Variants in ADGRG2 observed in about 807,000 individuals in gnomAD.
ADGRG2 encodes adhesion G protein-coupled receptor G2, also known as G protein-coupled receptor 64.
Under a neutral mutation model 74.1 loss-of-function variants are expected in ADGRG2, and 26 were observed. The ratio of observed to expected loss-of-function variants is 0.35; its 90% CI spans 0.26 to 0.49. ADGRG2 has a LOEUF of 0.49. Among genes scored for constraint, ADGRG2 ranks in the 20% least tolerant of loss-of-function variants. The pLI, the probability that ADGRG2 is intolerant of heterozygous loss-of-function variation, is 0.99. For missense variants in ADGRG2, 619 were observed against 763.1 expected, an observed-to-expected ratio of 0.81 and a Z score of 2.22; for synonymous variants, 296 against 295.2, an observed-to-expected ratio of 1.00 and a Z score of -0.03.
chrX:18,996,042 A>C lies in ADGRG2; in HGVS notation c.2716+9T>G, dbSNP rs2060012724. On this transcript the variant is annotated intron_variant, in intron 27 of 28. Transcript: ENST00000379869. The stretch of plus-strand genomic sequence containing the variant: ...TAAGAGGAAGAGAAAAAGTGAGGTA[A>C]ATCTTTACCAGAATTTTCAGCCAGC... 1 of 971,149 alleles carries C rather than the reference A, an allele frequency of 1.0e-6. No individual in the cohort carries two copies. Among genetic ancestry groups the C allele is most frequent in the Non-Finnish European group, 1.5e-6 (1 of 678,327 alleles). The allele number at this position is 971,149 out of a possible 1,213,427, so 80.0% of individuals were successfully genotyped here.
rs760536876 is a variant in ADGRG2, at chrX:19,006,272, T to C, written c.1690-7A>G. 8.9e-7 allele frequency: 1 copy of C among 1,118,846 alleles called. No homozygotes were observed. The highest frequency in any genetic ancestry group is 1.2e-6 in the Non-Finnish European group (1 of 819,090). The allele number at this position is 1,118,846 out of a possible 1,213,427, so 92.2% of individuals were successfully genotyped here. ...ATCTCACTGTTAACTCATCCTGTGGTAGAAAGATAAATCACACATAATTAA... is the reference window on the plus strand; with the variant it reads ...ATCTCACTGTTAACTCATCCTGTGGCAGAAAGATAAATCACACATAATTAA... On this transcript the variant is annotated splice_region_variant and splice_polypyrimidine_tract_variant and intron_variant, in intron 20 of 28. Transcript: ENST00000379869.
At position 19,002,852 on chromosome X, in the gene ADGRG2, C is replaced by T. The variant is rs1356087672; in HGVS notation, c.2224G>A (p.Gly742Ser). The T allele has an allele frequency of 2.2e-5, 27 of 1,207,373 alleles. No individual in the cohort carries two copies. In the Admixed American group the frequency reaches 5.3e-4, roughly 24 times the overall value. ...RKYILKFCIV[G>S]WGVPAVVVTI... ...CAGGCAAGCTTATACATACCCCAAC[C>T]GACAATGCAGAATTTAAGGATGTAT... The change falls in exon 24 of 29, where the codon GGT (glycine) becomes AGT (serine). Residue 742 changes from glycine to serine, a missense_variant. By Grantham distance (56) the Gly-to-Ser change is moderately conservative. Transcript: ENST00000379869.
intron 20 of ADGRG2, among the ~76,000 whole-genome samples, chrX:19,006,890 G>A (rs981206968): frequency 9.3e-6 from 1 of 107,365 alleles, no homozygotes; most frequent in African/African-American, 3.4e-5. Flanking sequence ...CCAAGTAGCT[G>A]GAATTACAGG....
Position 19,003,051 on chromosome X carries a change from CAGCAGAAGCAG to C in ADGRG2, c.2014_2024del (p.Leu672GlufsTer14). The C allele has an allele frequency of 8.3e-7, 1 of 1,198,895 alleles. No individual in the cohort carries two copies. Among genetic ancestry groups the C allele is most frequent in the Non-Finnish European group, 1.1e-6 (1 of 883,820 alleles). On this transcript the variant is annotated frameshift_variant, in exon 24 of 29. Coordinates refer to ENST00000379869, the MANE Select transcript of ADGRG2 (RefSeq NM_001079858.3). LOFTEE classifies it high-confidence loss of function. ...ACGAGTCCAGGAGGAAGACCAGGTT[CAGCAGAAGCAG>C]AGCAGCACACAGCTGGATGAGGATT...
At chrX:19,057,836 C>T (rs2061429417) in intron 3 of ADGRG2, among the ~76,000 whole-genome samples, 1 of 111,110 alleles carries the variant, frequency 9.0e-6, no homozygotes, top group East Asian at 2.8e-4. Context: ...AAGACCCTGT[C>T]TCTAAAAAAT....
intron 2 of ADGRG2, among the ~76,000 whole-genome samples, chrX:19,078,650 G>A (rs1249991091): frequency 9.0e-6 from 1 of 110,611 alleles, no homozygotes; most frequent in African/African-American, 3.3e-5. Context: ...GCTAAAGATA[G>A]AGTGAAAATT....
At chrX:19,038,996 A>T (rs959817972) in intron 4 of ADGRG2, among the ~76,000 whole-genome samples, 2 of 111,592 alleles carry the variant, frequency 1.8e-5, no homozygotes, top group Non-Finnish European at 3.8e-5. Context: ...ATTACTCAAA[A>T]ACTCGTAAAA....
intron 1 of ADGRG2, among the ~76,000 whole-genome samples, chrX:19,099,313 G>A (rs771535811): frequency 1.8e-5 from 2 of 112,536 alleles, no homozygotes; most frequent in Non-Finnish European, 3.8e-5. Context: ...TGCTTTATTT[G>A]TATTAACTCA....
intron 1 of ADGRG2, among the ~76,000 whole-genome samples, chrX:19,119,917 T>C (rs966983059): frequency 8.9e-6 from 1 of 112,233 alleles, no homozygotes; most frequent in Non-Finnish European, 1.9e-5. Flanking sequence ...ATCATATCCA[T>C]AGTTAGAGTA....
rs200494919 is a variant in ADGRG2 at position 19,105,735 on chromosome X, A to ATTT, written c.-47+16706_-47+16707insAAA. On this transcript the variant is annotated intron_variant, in intron 1 of 28. Coordinates refer to ENST00000379869, the MANE Select transcript of ADGRG2 (RefSeq NM_001079858.3). ...CCAGAACTTAAAGTATAATAAAAAA[A>ATTT]ATTTTTTTAAATACAAAAATTAGCT... Among the ~76,000 whole-genome samples the ATTT allele has an allele frequency of 5.6e-3, 622 of 110,144 alleles. 6 individuals are homozygous for ATTT. Among genetic ancestry groups the ATTT allele is most frequent in the African/African-American group, 0.02 (602 of 30,151 alleles).
At chrX:19,079,753 GC>G (rs752867319) in intron 2 of ADGRG2, among the ~76,000 whole-genome samples, 67 of 112,059 alleles carry the variant, frequency 6.0e-4, no homozygotes, top group African/African-American at 2.1e-3. Context: ...TTCTTAATAA[GC>G]GGTAAGTGCT....
At chrX:19,007,458 A>G in intron 19 of ADGRG2, 101 bp from the exon 20 acceptor site, 1 of 793,666 alleles carries the variant, frequency 1.3e-6, no homozygotes, top group Non-Finnish European at 1.8e-6. Context: ...ATCTTACAAT[A>G]TAGGTCAGAA....
intron 2 of ADGRG2, among the ~76,000 whole-genome samples, chrX:19,069,225 G>T (rs1396533427): frequency 9.0e-6 from 1 of 111,511 alleles, no homozygotes; most frequent in Non-Finnish European, 1.9e-5. Context: ...AAGAGATAGG[G>T]TCTCGCTATG....
chrX:19,080,799 G>A (rs367730948), intron 2 of ADGRG2, among the ~76,000 whole-genome samples: 2 of 110,070 alleles, frequency 1.8e-5, no homozygotes, highest in Non-Finnish European at 3.8e-5. Flanking sequence ...AGGCTCAAGC[G>A]ATCCTCCTGC....
At chrX:19,083,801 C>T (rs776216141) in intron 1 of ADGRG2, among the ~76,000 whole-genome samples, 4 of 111,624 alleles carry the variant, frequency 3.6e-5, no homozygotes, top group Non-Finnish European at 7.5e-5. Flanking sequence ...AGTCACTTCA[C>T]GTAATGGCAT....
rs771610945 is a variant in ADGRG2 at position 19,012,137 on chromosome X, G to T, written c.1100-1359C>A. On this transcript the variant is annotated intron_variant, in intron 16 of 28. Transcript: ENST00000379869. ...TGTTTCTGTTCTAATGACTTACATGGTCGCATAATAGTCATTGTGTTACAG... is the reference window on the plus strand; with the variant it reads ...TGTTTCTGTTCTAATGACTTACATGTTCGCATAATAGTCATTGTGTTACAG... Among the ~76,000 whole-genome samples the T allele has an allele frequency of 3.6e-5, 4 of 112,293 alleles. No homozygotes were observed. The East Asian group carries it at 1.1e-3, about 31-fold the overall frequency.
intron 17 of ADGRG2, 72 bp downstream of exon 17, chrX:19,010,541 T>C: frequency 1.2e-6 from 1 of 866,553 alleles, no homozygotes; most frequent in Admixed American, 2.7e-5. Flanking sequence ...CTTGGTGATA[T>C]TAATCATGTG....
At chrX:19,047,999 G>A (rs144301493) in intron 3 of ADGRG2, among the ~76,000 whole-genome samples, 281 of 111,154 alleles carry the variant, frequency 2.5e-3, no homozygotes, top group African/African-American at 9.0e-3. Context: ...TTCCCAAAGT[G>A]CAAGCAATCC....
At chrX:19,033,547 C>A in intron 8 of ADGRG2, 66 bp downstream of exon 8, 1 of 544,609 alleles carries the variant, frequency 1.8e-6, no homozygotes, top group Non-Finnish European at 3.2e-6. Flanking sequence ...TTATAAACAC[C>A]AGCCATTTGT....
Sources: allele counts gnomAD v4.1 joint callset (sites outside exome capture counted in the v4.1 genomes callset), GRCh38; gene constraint gnomAD v4.1.1; transcripts MANE v1.5; gene names NCBI Gene and HGNC (gene_info 2026-07-23, HGNC 2026-07-21).